Variants in VGLL4 observed in about 807,000 individuals in gnomAD.
VGLL4 encodes the protein transcription cofactor vestigial-like protein 4.
In VGLL4, 7 loss-of-function variants were observed where a neutral mutation model predicts 21.0. That is an observed-to-expected ratio of 0.33 (90% CI 0.19 to 0.63). The LOEUF (loss-of-function observed/expected upper bound fraction) is 0.63, where lower values mean the gene tolerates loss of function less well. Ranked by LOEUF, VGLL4 falls within the 20% of genes least tolerant of loss-of-function variation. The pLI is 0.78. For synonymous variants in VGLL4, 222 were observed against 173.2 expected (o/e 1.28, Z -2.21); for missense variants, 394 against 425.7 (o/e 0.93, Z 0.66).
chr3:11,695,341 C>G (rs1440984593), intron 2 of VGLL4, among the ~76,000 whole-genome samples: 1 of 152,066 alleles, frequency 6.6e-6, no homozygotes, highest in African/African-American at 2.4e-5. Context: ...AGCCACCATG[C>G]CCGGCCCAGG....
chr3:11,620,575 C>A (rs1307905931), intron 1 of VGLL4, among the ~76,000 whole-genome samples: 2 of 152,228 alleles, frequency 1.3e-5, no homozygotes, highest in African/African-American at 4.8e-5. Context: ...CCAAAACTCT[C>A]CTTCTCTATG....
upstream of VGLL4, chr3:11,644,036 T>C (rs1389945592): frequency 1.2e-5 from 12 of 975,766 alleles, no homozygotes; most frequent in East Asian, 1.1e-4. Flanking sequence ...ATGTAGCAAG[T>C]GTTGGAAAGA....
rs963371325 is a variant in VGLL4 at position 11,568,896 on chromosome 3, G to A, written c.273-3877C>T. ...GCTGCACGGCACCCGGCCCCGCCCC[G>A]GGCCTCATCCCCATCCTAGGCGGGC... is the stretch of plus-strand genomic sequence containing the variant. On this transcript the variant is annotated intron_variant, in intron 2 of 4. Coordinates refer to ENST00000430365, the MANE Select transcript of VGLL4 (RefSeq NM_001128219.3). The surrounding 1 kb of genome is among the most constrained non-coding windows in gnomAD (Gnocchi z 5.9). 1.0e-4 allele frequency: 134 copies of A among 1,314,912 alleles called. No individual in the cohort carries two copies. The highest frequency in any genetic ancestry group is 4.6e-4 in the Admixed American group (13 of 28,404). 81.5% of individuals were successfully genotyped at this position (1,314,912 alleles called of 1,614,324 possible). A position where few individuals can be genotyped will look rare whatever the true frequency, so the allele number is the denominator to read the frequency against.
chr3:11,637,278 T>A (rs555427166), intron 1 of VGLL4, among the ~76,000 whole-genome samples: 54 of 152,362 alleles, frequency 3.5e-4, no homozygotes, highest in African/African-American at 1.2e-3. Context: ...CTTTTCTGTA[T>A]GTATATTTCA....
At chr3:11,617,056 T>TA (rs764423344) in intron 1 of VGLL4, among the ~76,000 whole-genome samples, 1 of 151,812 alleles carries the variant, frequency 6.6e-6, no homozygotes, top group African/African-American at 2.4e-5. Context: ...TAATTTGAAA[T>TA]AAAAAATAAA....
At chr3:11,634,125 C>A (rs2075540390) in intron 1 of VGLL4, among the ~76,000 whole-genome samples, 1 of 152,140 alleles carries the variant, frequency 6.6e-6, no homozygotes, top group African/African-American at 2.4e-5. Flanking sequence ...AGCTCTAGAA[C>A]CATATACCCA....
chr3:11,616,345 C>T (rs1261404659), intron 1 of VGLL4, among the ~76,000 whole-genome samples: 1 of 151,448 alleles, frequency 6.6e-6, no homozygotes, highest in Non-Finnish European at 1.5e-5. Context: ...AAGCATCCTG[C>T]GTTATGGCTC....
Position 11,556,653 on chromosome 3 carries a change from A to G in VGLL4, c.*1903T>C, listed in dbSNP as rs2072446142. The G allele has an allele frequency of 6.5e-6, 1 of 152,736 alleles. No individual in the cohort carries two copies. Among genetic ancestry groups the G allele is most frequent in the Non-Finnish European group, 1.5e-5 (1 of 68,044 alleles). The allele number at this position is 152,736 out of a possible 1,614,324, so 9.5% of individuals were successfully genotyped here. A position where few individuals can be genotyped will look rare whatever the true frequency, so the allele number is the denominator to read the frequency against. On this transcript the variant is annotated 3_prime_UTR_variant, in exon 5 of 5. Transcript: ENST00000430365. ...ACAACAAAAAAAATGAATGATTACA[A>G]TAGGAAAGGGAAAAATTAAATAGCT... is the stretch of plus-strand genomic sequence containing the variant.
At chr3:11,712,530 C>T (rs2076861662) in intron 1 of VGLL4, among the ~76,000 whole-genome samples, 2 of 151,854 alleles carry the variant, frequency 1.3e-5, no homozygotes, top group South Asian at 4.2e-4. Context: ...ATTACTTAGG[C>T]CAAATGGCCA....
At chr3:11,631,923 C>G (rs1270620733) in intron 1 of VGLL4, among the ~76,000 whole-genome samples, 3 of 152,116 alleles carry the variant, frequency 2.0e-5, no homozygotes, top group African/African-American at 7.2e-5. Flanking sequence ...ATCAGAAATC[C>G]CCCTCGGAGT....
At chr3:11,663,608 C>G (rs975206273) in intron 2 of VGLL4, among the ~76,000 whole-genome samples, 1 of 152,102 alleles carries the variant, frequency 6.6e-6, no homozygotes, top group East Asian at 1.9e-4. Flanking sequence ...ATCCCAGCTA[C>G]TTGGGAGGCT....
chr3:11,572,373 C>T (rs1046290456), intron 2 of VGLL4, among the ~76,000 whole-genome samples: 2 of 152,092 alleles, frequency 1.3e-5, no homozygotes, highest in African/African-American at 2.4e-5. Flanking sequence ...TTCCATTTTC[C>T]GGGAGGGAGG....
chr3:11,716,503 A>G (rs2076921694), intron 1 of VGLL4, among the ~76,000 whole-genome samples: 1 of 152,140 alleles, frequency 6.6e-6, no homozygotes, highest in Non-Finnish European at 1.5e-5. Context: ...AGAAAGTGTC[A>G]GAGGCATTGA....
chr3:11,713,921 C>A (rs1045410721), intron 1 of VGLL4, among the ~76,000 whole-genome samples: 1 of 152,104 alleles, frequency 6.6e-6, no homozygotes, highest in African/African-American at 2.4e-5. Context: ...CTGATGCTAA[C>A]GTGGCTCAGG....
At chr3:11,606,193 T>C (rs1016335112) in intron 1 of VGLL4, among the ~76,000 whole-genome samples, 1 of 152,158 alleles carries the variant, frequency 6.6e-6, no homozygotes, top group Admixed American at 6.6e-5. Flanking sequence ...TGAGACTTAC[T>C]ACCACGGGTA....
chr3:11,584,815 G>T (rs1277431969), intron 2 of VGLL4, among the ~76,000 whole-genome samples: 2 of 142,172 alleles, frequency 1.4e-5, no homozygotes, highest in Non-Finnish European at 3.0e-5. Flanking sequence ...AAAAAAAAAT[G>T]AGGTGGCCCC....
upstream of VGLL4, among the ~76,000 whole-genome samples, chr3:11,645,418 G>A (rs7634091): frequency 0.48 from 69,324 of 144,798 alleles, 16,945 homozygotes; most frequent in East Asian, 0.56. Context: ...GTGAAACCCC[G>A]TCTCTACTAA....
At chr3:11,655,870 G>A (rs985844665) in intron 2 of VGLL4, among the ~76,000 whole-genome samples, 19 of 152,158 alleles carry the variant, frequency 1.2e-4, no homozygotes, top group African/African-American at 3.1e-4. Context: ...ATTCACATCC[G>A]TGCTGTTTTG....
At position 11,643,541 on chromosome 3, in the gene VGLL4, C is replaced by A. The variant is rs1488081611; in HGVS notation, c.-23G>T. 3 of 1,613,740 alleles carry A rather than the reference C, an allele frequency of 1.9e-6. No homozygotes were observed. The South Asian group carries it at 3.3e-5, about 18-fold the overall frequency. On this transcript the variant is annotated 5_prime_UTR_variant, in exon 1 of 5. Transcript: ENST00000430365. The stretch of plus-strand genomic sequence containing the variant: ...CATTTATTGGGCTAGCAAAGAAAAC[C>A]AGCTCTTTGCTTTTGCCCCAAAAGA...
Sources: gnomAD v4.1 joint callset for allele counts (sites outside exome capture counted in the v4.1 genomes callset) on GRCh38, gnomAD v4.1.1 for gene constraint, Gnocchi (gnomAD v3.1) non-coding constraint, MANE v1.5 for transcripts, NCBI Gene and HGNC (gene_info 2026-07-23, HGNC 2026-07-21) for gene names.